The following C3orf70 variants were observed in gnomAD, a reference collection of about 807,000 sequenced individuals.
The protein encoded by C3orf70 is UPF0524 protein C3orf70.
Under a neutral mutation model 20.7 loss-of-function variants are expected in C3orf70, and 15 were observed. The observed-to-expected ratio is 0.72, with a 90% confidence interval of 0.48 to 1.11. The LOEUF (loss-of-function observed/expected upper bound fraction) is 1.11, where lower values mean the gene tolerates loss of function less well. Among genes scored for constraint, C3orf70 ranks in the 50% most tolerant of loss-of-function variants. C3orf70 has a pLI of 0.00. For missense variants in C3orf70, 332 were observed against 317.6 expected (o/e 1.05, Z -0.34); for synonymous variants, 161 against 125.7 (o/e 1.28, Z -1.88).
At chr3:185,139,039 C>T (rs1716688237) in intron 1 of C3orf70, among the ~76,000 whole-genome samples, 1 of 151,814 alleles carries the variant, frequency 6.6e-6, no homozygotes, top group African/African-American at 2.4e-5. Context: ...GAGGTAGAGG[C>T]TGCAGTGACC....
Position 185,077,220 on chromosome 3 carries a change from A to G in C3orf70, c.*5787T>C, listed in dbSNP as rs1425238686. 1.3e-5 allele frequency among the ~76,000 whole-genome samples: 2 copies of G among 152,180 alleles called. No individual in the cohort carries two copies. The highest frequency in any genetic ancestry group is 4.8e-5 in the African/African-American group (2 of 41,438). On this transcript the variant is annotated 3_prime_UTR_variant, in exon 2 of 2. Transcript: ENST00000335012. ...CCTCCACTGTGTTGGGACCAGGTGC[A>G]CTGAGGTAGACGAGGCACTAGTCTG...
Position 185,082,856 on chromosome 3 carries a change from G to A in C3orf70, c.*151C>T, listed in dbSNP as rs551593933. 11 of 699,646 alleles carry A rather than the reference G, an allele frequency of 1.6e-5. No homozygotes were observed. The highest frequency in any genetic ancestry group is 1.4e-4 in the Admixed American group (6 of 42,004). 43.3% of individuals were successfully genotyped at this position (699,646 alleles called of 1,614,324 possible). A position where few individuals can be genotyped will look rare whatever the true frequency, so the allele number is the denominator to read the frequency against. On this transcript the variant is annotated 3_prime_UTR_variant, in exon 2 of 2. Transcript: ENST00000335012. Reference sequence around the variant, plus strand: ...TGTCTTAGTTGTAAGACGGAGAGAAGCTAATCAGCATACCACTGAACTGCT... The same window carrying A: ...TGTCTTAGTTGTAAGACGGAGAGAAACTAATCAGCATACCACTGAACTGCT...
chr3:185,142,615 T>G (rs556191777), intron 1 of C3orf70, among the ~76,000 whole-genome samples: 1 of 152,166 alleles, frequency 6.6e-6, no homozygotes. Flanking sequence ...CTAAAATCAC[T>G]GGGTTAAAGT....
chr3:185,136,840 G>T (rs1311924196), intron 1 of C3orf70, among the ~76,000 whole-genome samples: 1 of 152,088 alleles, frequency 6.6e-6, no homozygotes, highest in Non-Finnish European at 1.5e-5. Flanking sequence ...AACCCAGGAG[G>T]TGGAGGTCGC....
Position 185,083,427 on chromosome 3 carries a change from G to C in C3orf70, c.333C>G (p.Val111=). 1 of 1,614,152 alleles carries C rather than the reference G, an allele frequency of 6.2e-7. No individual in the cohort carries two copies. The highest frequency in any genetic ancestry group is 1.1e-5 in the South Asian group (1 of 91,084). The stretch of plus-strand genomic sequence containing the variant: ...AGTCAGGGGGAAGGGGAGGCTGGAA[G>C]ACAGATGCAAATTTCAAAAAGTGTT... ...LTEHFLKFAS[V]FQPPLPPDSP... The change falls in exon 2 of 2, where the codon GTC becomes GTG. Residue 111 remains valine, a synonymous_variant. Transcript: ENST00000335012.
chr3:185,138,515 T>G (rs138197517), intron 1 of C3orf70, among the ~76,000 whole-genome samples: 1 of 151,072 alleles, frequency 6.6e-6, no homozygotes, highest in Non-Finnish European at 1.5e-5. Context: ...TATTAGCCAA[T>G]AGAAATCAAC....
intron 1 of C3orf70, among the ~76,000 whole-genome samples, chr3:185,089,247 CATTTATTT>C (rs138781625): frequency 0.024 from 3,651 of 151,986 alleles, 117 homozygotes; most frequent in African/African-American, 0.083. Context: ...CCTTCTCCCT[CATTTATTT>C]ATTTATTTAT....
intron 1 of C3orf70, among the ~76,000 whole-genome samples, chr3:185,115,739 GT>G (rs1365177669): frequency 6.6e-6 from 1 of 152,146 alleles, no homozygotes; most frequent in African/African-American, 2.4e-5. Context: ...GAGATCTATT[GT>G]TTATAAGATC....
At chr3:185,144,725 G>GC (rs11462509) in intron 1 of C3orf70, among the ~76,000 whole-genome samples, 124,432 of 152,032 alleles carry the variant, frequency 0.82, 51,012 homozygotes, top group Non-Finnish European at 0.84. Context: ...GCCTGCCTTG[G>GC]CTCTCAAAGT....
chr3:185,137,164 AG>A (rs1189109001), intron 1 of C3orf70, among the ~76,000 whole-genome samples: 2 of 152,172 alleles, frequency 1.3e-5, no homozygotes, highest in African/African-American at 4.8e-5. Context: ...GGTTATAAAA[AG>A]GGGAGTTTCC....
In C3orf70 at chr3:185,079,428, T is replaced by C. The variant is rs1715282994; in HGVS notation, c.*3579A>G. On this transcript the variant is annotated 3_prime_UTR_variant, in exon 2 of 2. Coordinates refer to ENST00000335012, the MANE Select transcript of C3orf70 (RefSeq NM_001025266.3). ...TATTTTGTATTGTATGACCTTGAATTACAAGTCTTCCCCTCCCAGGAAAGG... is the reference window on the plus strand; with the variant it reads ...TATTTTGTATTGTATGACCTTGAATCACAAGTCTTCCCCTCCCAGGAAAGG... 1 of 152,174 alleles carries C rather than the reference T, an allele frequency of 6.6e-6. No homozygotes were observed. The highest frequency in any genetic ancestry group is 2.4e-5 in the African/African-American group (1 of 41,448). The allele number at this position is 152,174 out of a possible 1,614,324, so 9.4% of individuals were successfully genotyped here.
rs760799141 is a variant in C3orf70, at chr3:185,152,671, C to G, written c.153G>C (p.Lys51Asn). 2 of 1,592,096 alleles carry G rather than the reference C, an allele frequency of 1.3e-6. No individual in the cohort carries two copies. The highest frequency in any genetic ancestry group is 1.7e-6 in the Non-Finnish European group (2 of 1,169,418). ...LSICATHSHG[K>N]CFKLHWCCHL... The stretch of plus-strand genomic sequence containing the variant: ...GACAGCACCAGTGCAGCTTGAAGCA[C>G]TTGCCATGGCTGTGCGTGGCACAGA... The change falls in exon 1 of 2, where the codon AAG becomes AAC. Residue 51 changes from lysine (K) to asparagine (N), a missense_variant. Transcript: ENST00000335012.
chr3:185,100,662 C>G lies in C3orf70; in HGVS notation c.197-17099G>C, dbSNP rs779906745. ...AACCAAGAGCAAGCCAATCCCAAAG[C>G]TAGCAGAAGACAAGAAACAACCAAA... On this transcript the variant is annotated intron_variant, in intron 1 of 1. Transcript: ENST00000335012. Among the ~76,000 whole-genome samples, 38 of 152,020 alleles carry G rather than the reference C, an allele frequency of 2.5e-4. 1 individual carries two copies. Among genetic ancestry groups the G allele is most frequent in the African/African-American group, 8.7e-4 (36 of 41,462 alleles).
intron 1 of C3orf70, among the ~76,000 whole-genome samples, chr3:185,109,308 G>C (rs1716013175): frequency 1.3e-5 from 2 of 152,184 alleles, no homozygotes; most frequent in African/African-American, 2.4e-5. Flanking sequence ...TTAGGACATA[G>C]ATAAAATAAT....
At position 185,152,630 on chromosome 3, in the gene C3orf70, T is replaced by C. The variant is rs748155660; in HGVS notation, c.194A>G (p.His65Arg). 6.4e-7 allele frequency: 1 copy of C among 1,566,094 alleles called. No homozygotes were observed. Among genetic ancestry groups the C allele is most frequent in the Non-Finnish European group, 8.6e-7 (1 of 1,156,598 alleles). The stretch of plus-strand genomic sequence containing the variant: ...CGGGAAGACGCGGCTCGACTTACAG[T>C]GACACCATCCTAGGTGACAGCACCA... ...LHWCCHLGWC[H>R]CKYMYQPMTP... is the part of the protein sequence containing the mutation. The change falls in exon 1 of 2, where the codon CAC (histidine) becomes CGC (arginine). Residue 65 changes from histidine to arginine, a missense_variant and splice_region_variant. His to Arg is a conservative substitution (Grantham distance 29, BLOSUM62 0). Transcript: ENST00000335012.
rs1314150300 is a variant in C3orf70, at chr3:185,082,565, T to C, written c.*442A>G. The stretch of plus-strand genomic sequence containing the variant: ...TGCACACTCAGTAGGGAGTGCTACT[T>C]GCGTAGGACAAGCAGGACAGGACGG... On this transcript the variant is annotated 3_prime_UTR_variant, in exon 2 of 2. Transcript: ENST00000335012. The C allele has an allele frequency of 1.2e-5, 2 of 167,884 alleles. No homozygotes were observed. The highest frequency in any genetic ancestry group is 2.6e-5 in the Non-Finnish European group (2 of 78,010). 10.4% of individuals were successfully genotyped at this position (167,884 alleles called of 1,614,324 possible). A position where few individuals can be genotyped will look rare whatever the true frequency, so the allele number is the denominator to read the frequency against.
intron 1 of C3orf70, among the ~76,000 whole-genome samples, chr3:185,133,864 A>G (rs961693): frequency 0.96 from 145,545 of 152,278 alleles, 69,607 homozygotes; most frequent in African/African-American, 0.99. Context: ...TGAGGTGGGC[A>G]GATCACTTGA....
rs946863335 is a variant in C3orf70, at chr3:185,098,640, C to A, written c.197-15077G>T. Among the ~76,000 whole-genome samples, 133 of 152,134 alleles carry A rather than the reference C, an allele frequency of 8.7e-4. 1 individual carries two copies. The highest frequency in any genetic ancestry group is 1.6e-4 in the Non-Finnish European group (11 of 68,032). On this transcript the variant is annotated intron_variant, in intron 1 of 1. Coordinates refer to ENST00000335012, the MANE Select transcript of C3orf70 (RefSeq NM_001025266.3). Reference sequence around the variant, plus strand: ...GAATCCACAGAGAAAAAAATGTATTCATATATCATACTGTCTGAGAACTAA... The same window carrying A: ...GAATCCACAGAGAAAAAAATGTATTAATATATCATACTGTCTGAGAACTAA...
At chr3:185,095,335 G>A (rs1277907639) in intron 1 of C3orf70, among the ~76,000 whole-genome samples, 3 of 152,166 alleles carry the variant, frequency 2.0e-5, no homozygotes, top group Non-Finnish European at 4.4e-5. Context: ...GTAGAGCCTG[G>A]AACACGATGA....
Sources: allele counts gnomAD v4.1 joint callset (sites outside exome capture counted in the v4.1 genomes callset), GRCh38; gene constraint gnomAD v4.1.1; transcripts MANE v1.5; gene names NCBI Gene and HGNC (gene_info 2026-07-23, HGNC 2026-07-21).